Variants in SOX6 observed in about 807,000 individuals in gnomAD.
SOX6 encodes SRY-box transcription factor 6, also known as transcription factor SOX-6.
SOX6 carries 11 observed loss-of-function variants against 97.8 expected under a neutral mutation model. That is an observed-to-expected ratio of 0.11 (90% CI 0.07 to 0.19). SOX6 has a LOEUF of 0.19. SOX6 is among the 10% of genes least tolerant of loss of function. The pLI is 1.00. For missense variants in SOX6, 810 were observed against 1,039.5 expected, an observed-to-expected ratio of 0.78 and a Z score of 3.04; for synonymous variants, 360 against 371.4, an observed-to-expected ratio of 0.97 and a Z score of 0.35.
chr11:16,308,920 A>G (rs1855515564), intron 3 of SOX6, among the ~76,000 whole-genome samples: 2 of 152,344 alleles, frequency 1.3e-5, no homozygotes, highest in African/African-American at 4.8e-5. Context: ...TGAAGGGTCC[A>G]TCAAAGGCTC....
intron 4 of SOX6, among the ~76,000 whole-genome samples, chr11:16,214,772 C>G (rs1423776627): frequency 7.6e-6 from 1 of 131,768 alleles, no homozygotes; most frequent in Non-Finnish European, 1.6e-5. Flanking sequence ...TTTTTTGAGA[C>G]GGAGTTTCGC....
chr11:16,611,192 G>T (rs1192348015), intron 4 of SOX6, among the ~76,000 whole-genome samples: 1 of 152,258 alleles, frequency 6.6e-6, no homozygotes, highest in Non-Finnish European at 1.5e-5. Context: ...CCTGGAGAGA[G>T]GTCCCCCTGA....
intron 1 of SOX6, among the ~76,000 whole-genome samples, chr11:16,399,628 A>C (rs1387986710): frequency 1.3e-5 from 2 of 151,500 alleles, no homozygotes; most frequent in African/African-American, 4.8e-5. Flanking sequence ...ATCATCCCAA[A>C]GTATAGATAA....
chr11:16,499,525 G>A (rs1367130203), intron 4 of SOX6, among the ~76,000 whole-genome samples: 6 of 152,076 alleles, frequency 3.9e-5, no homozygotes, highest in East Asian at 1.9e-4. Flanking sequence ...CCAGGAGCTG[G>A]TTTTTTGAAA....
At chr11:16,061,839 T>A (rs1847965463) in intron 9 of SOX6, among the ~76,000 whole-genome samples, 1 of 151,710 alleles carries the variant, frequency 6.6e-6, no homozygotes, top group Non-Finnish European at 1.5e-5. Context: ...TTGGATTGCA[T>A]ATGCAGGAGA....
At chr11:16,120,833 A>G (rs545264066) in intron 6 of SOX6, among the ~76,000 whole-genome samples, 70 of 152,200 alleles carry the variant, frequency 4.6e-4, no homozygotes, top group African/African-American at 1.6e-3. Context: ...CTTTAAGATA[A>G]CTATTTAAAA....
At chr11:16,526,629 A>G (rs2133166155) in intron 4 of SOX6, among the ~76,000 whole-genome samples, 1 of 152,246 alleles carries the variant, frequency 6.6e-6, no homozygotes, top group Non-Finnish European at 1.5e-5. Context: ...AACTTAAAGT[A>G]TAATAATAAT....
chr11:16,186,550 TG>T (rs1204244921), intron 5 of SOX6, among the ~76,000 whole-genome samples: 1 of 152,144 alleles, frequency 6.6e-6, no homozygotes, highest in African/African-American at 2.4e-5. Context: ...CCTGAAACAA[TG>T]TATCATTTTA....
rs571860851 is a variant in SOX6 at position 16,296,710 on chromosome 11, C to T, written c.445+21736G>A. ...CAACTAAGATTTAACAGCTTTAGAA[C>T]AGTTATCTGGGTGGTTTGAAAATGG... On this transcript the variant is annotated intron_variant, in intron 3 of 15. Coordinates refer to ENST00000683767, the MANE Select transcript of SOX6 (RefSeq NM_001367873.1). Among the ~76,000 whole-genome samples the T allele has an allele frequency of 3.3e-5, 5 of 152,200 alleles. No individual in the cohort carries two copies. In the South Asian group the frequency reaches 1.0e-3, roughly 32 times the overall value.
intron 7 of SOX6, among the ~76,000 whole-genome samples, chr11:16,098,251 A>G (rs1848852756): frequency 6.6e-6 from 1 of 151,870 alleles, no homozygotes; most frequent in Non-Finnish European, 1.5e-5. Context: ...TGGTATCCCC[A>G]TAAGTGTAGA....
At chr11:16,461,896 A>G (rs1433791627) in intron 1 of SOX6, among the ~76,000 whole-genome samples, 1 of 152,178 alleles carries the variant, frequency 6.6e-6, no homozygotes, top group Non-Finnish European at 1.5e-5. Flanking sequence ...AAATAAAAGG[A>G]ATAAGAGAGT....
intron 6 of SOX6, among the ~76,000 whole-genome samples, chr11:16,136,658 A>G (rs1188858066): frequency 6.6e-6 from 1 of 151,686 alleles, no homozygotes; most frequent in Admixed American, 6.6e-5. Flanking sequence ...CTGATCTCAA[A>G]CTCCTAGGCT....
At chr11:16,498,854 A>C (rs1033906978) in intron 4 of SOX6, among the ~76,000 whole-genome samples, 1 of 152,218 alleles carries the variant, frequency 6.6e-6, no homozygotes, top group Non-Finnish European at 1.5e-5. Flanking sequence ...CCACACAATA[A>C]TAATGGGAGA....
At chr11:16,600,191 C>G (rs1442661039) in intron 4 of SOX6, among the ~76,000 whole-genome samples, 2 of 152,208 alleles carry the variant, frequency 1.3e-5, no homozygotes, top group African/African-American at 4.8e-5. Context: ...TTTTAATTAC[C>G]ATGCAGCTTC....
intron 1 of SOX6, among the ~76,000 whole-genome samples, chr11:16,407,901 A>G (rs1217062181): frequency 6.6e-6 from 1 of 152,192 alleles, no homozygotes. Flanking sequence ...AATAAATAAC[A>G]TAATAAAATC....
Position 16,605,237 on chromosome 11 carries a change from G to A in SOX6, n.609+6844C>T, listed in dbSNP as rs1414365596. 6.6e-6 allele frequency among the ~76,000 whole-genome samples: 1 copy of A among 152,028 alleles called. No homozygotes were observed. The highest frequency in any genetic ancestry group is 2.4e-5 in the African/African-American group (1 of 41,428). On this transcript the variant is annotated intron_variant and non_coding_transcript_variant, in intron 4 of 5. Coordinates refer to the SOX6 transcript ENST00000524520. This position sits in a 1 kb window ranked among gnomAD's most constrained non-coding sequence, Gnocchi z 5.3. ...GGGCGCCGGCTGGGCTCAGGGACGCGGGGCGGGGAAGAAACGTGCCGGCGA... is the reference window on the plus strand; with the variant it reads ...GGGCGCCGGCTGGGCTCAGGGACGCAGGGCGGGGAAGAAACGTGCCGGCGA...
intron 9 of SOX6, among the ~76,000 whole-genome samples, chr11:16,065,859 A>T (rs1347354405): frequency 6.6e-6 from 1 of 152,168 alleles, no homozygotes; most frequent in Non-Finnish European, 1.5e-5. Flanking sequence ...CTGGGCAAAG[A>T]TTTCTTGAGT....
chr11:16,235,214 CT>C (rs1210895876), intron 3 of SOX6, among the ~76,000 whole-genome samples: 1 of 151,956 alleles, frequency 6.6e-6, no homozygotes, highest in African/African-American at 2.4e-5. Flanking sequence ...TCTCTGACCC[CT>C]AGTAATAAAA....
chr11:16,654,001 TTATTAA>T (rs1847690244), intron 3 of SOX6, among the ~76,000 whole-genome samples: 1 of 152,092 alleles, frequency 6.6e-6, no homozygotes, highest in Non-Finnish European at 1.5e-5. Flanking sequence ...CCACTATATT[TTATTAA>T]TGTTTGTTCT....
Sources: gnomAD v4.1 joint callset for allele counts (sites outside exome capture counted in the v4.1 genomes callset) on GRCh38, gnomAD v4.1.1 for gene constraint, Gnocchi (gnomAD v3.1) non-coding constraint, MANE v1.5 for transcripts, NCBI Gene and HGNC (gene_info 2026-07-23, HGNC 2026-07-21) for gene names.